The following ANK3 variants were observed in gnomAD, a reference collection of about 807,000 sequenced individuals.
The protein encoded by ANK3 is ankyrin 3.
Under a neutral mutation model 370.9 loss-of-function variants are expected in ANK3, and 57 were observed. That is an observed-to-expected ratio of 0.15 (90% CI 0.12 to 0.19). The LOEUF (loss-of-function observed/expected upper bound fraction) is 0.19, where lower values mean the gene tolerates loss of function less well. ANK3 is among the 10% of genes least tolerant of loss of function. The probability of loss-of-function intolerance (pLI) is 1.00; values close to 1 mark genes in which losing one functional copy is unlikely to be tolerated. For synonymous variants in ANK3, 1,929 were observed against 1,946.3 expected (o/e 0.99, Z 0.23); for missense variants, 4,439 against 5,302.1 (o/e 0.84, Z 5.06).
intron 2 of ANK3, among the ~76,000 whole-genome samples, chr10:60,463,639 T>C (rs1272008961): frequency 6.6e-6 from 1 of 151,952 alleles, no homozygotes; most frequent in Non-Finnish European, 1.5e-5. Flanking sequence ...ATATAACTGT[T>C]CCATTTTATT....
At chr10:60,410,234 G>C (rs1273062930) in intron 2 of ANK3, among the ~76,000 whole-genome samples, 1 of 151,866 alleles carries the variant, frequency 6.6e-6, no homozygotes, top group Non-Finnish European at 1.5e-5. Context: ...TTTGAGACCA[G>C]CCTGGGCAAC....
intron 2 of ANK3, among the ~76,000 whole-genome samples, chr10:60,543,720 T>C (rs141939329): frequency 1.3e-5 from 2 of 152,088 alleles, no homozygotes; most frequent in African/African-American, 4.8e-5. Flanking sequence ...TAAAATTTAA[T>C]CTAAAATTTT....
intron 2 of ANK3, among the ~76,000 whole-genome samples, chr10:60,514,316 G>A (rs2076163463): frequency 6.6e-6 from 1 of 152,020 alleles, no homozygotes; most frequent in Non-Finnish European, 1.5e-5. Flanking sequence ...TCAGCAGATG[G>A]ATAAAATAAA....
chr10:60,473,910 G>T (rs1467852659), intron 2 of ANK3, among the ~76,000 whole-genome samples: 6 of 147,388 alleles, frequency 4.1e-5, no homozygotes, highest in African/African-American at 1.5e-4. Flanking sequence ...TGGGAGGATT[G>T]CTTGAAGCCA....
chr10:60,243,530 A>G (rs2097505179), intron 7 of ANK3, among the ~76,000 whole-genome samples: 1 of 152,174 alleles, frequency 6.6e-6, no homozygotes, highest in Admixed American at 6.5e-5. Flanking sequence ...CTCCTGAACT[A>G]TAAGAAATTT....
At position 60,072,236 on chromosome 10, in the gene ANK3, T is replaced by C. The variant is rs767323388; in HGVS notation, c.8645A>G (p.His2882Arg). Reference protein sequence around the residue: ...HVLVHDVRENHIGHPESKSVD... With the variant: ...HVLVHDVRENRIGHPESKSVD... ...ACTTTTACTCTCAGGGTGACCAATG[T>C]GATTCTCTCTTACATCATGAACAAG... Residue 2882 changes from histidine (H) to arginine (R), a missense_variant, in exon 37 of 44, where the codon CAC becomes CGC. Transcript: ENST00000280772. The C allele has an allele frequency of 1.2e-6, 2 of 1,614,122 alleles. No individual in the cohort carries two copies. The highest frequency in any genetic ancestry group is 1.3e-5 in the African/African-American group (1 of 75,058).
intron 2 of ANK3, among the ~76,000 whole-genome samples, chr10:60,517,846 T>TC (rs2133175689): frequency 6.6e-6 from 1 of 151,830 alleles, no homozygotes; most frequent in Non-Finnish European, 1.5e-5. Context: ...GGGGCCTCCC[T>TC]CCCCAGCAGA....
intron 2 of ANK3, among the ~76,000 whole-genome samples, chr10:60,467,792 C>A (rs920177123): frequency 6.6e-6 from 1 of 151,842 alleles, no homozygotes; most frequent in African/African-American, 2.4e-5. Flanking sequence ...ACAGTTTAAG[C>A]AAACAAACTC....
intron 1 of ANK3, among the ~76,000 whole-genome samples, chr10:60,333,471 ACATGAACT>A (rs2051935117): frequency 6.6e-6 from 1 of 152,170 alleles, no homozygotes; most frequent in Admixed American, 6.5e-5. Flanking sequence ...CCTGCAAAGG[ACATGAACT>A]CATTCTTTTT....
chr10:60,523,592 T>G lies in ANK3; in HGVS notation c.96+91594A>C, dbSNP rs547399161. ...GAACTCATCATTTTTTATGGCTGCA[T>G]AGTATTCCATGGTGTATATGTGCCA... is the stretch of plus-strand genomic sequence containing the variant. On this transcript the variant is annotated intron_variant, in intron 2 of 43. Coordinates refer to the ANK3 transcript ENST00000373827. Among the ~76,000 whole-genome samples the G allele has an allele frequency of 3.6e-3, 544 of 152,120 alleles. 3 individuals are homozygous for G. Among genetic ancestry groups the G allele is most frequent in the African/African-American group, 0.013 (522 of 41,510 alleles).
chr10:60,714,449 C>A (rs757895077), intron 1 of ANK3, among the ~76,000 whole-genome samples: 1 of 152,116 alleles, frequency 6.6e-6, no homozygotes, highest in Non-Finnish European at 1.5e-5. Flanking sequence ...GAAAGAAAAA[C>A]CACAAACCAC....
At chr10:60,517,469 A>C (rs894617109) in intron 2 of ANK3, among the ~76,000 whole-genome samples, 2 of 152,128 alleles carry the variant, frequency 1.3e-5, no homozygotes, top group Non-Finnish European at 2.9e-5. Flanking sequence ...ATCTGAAACG[A>C]GGTTACCCAG....
intron 18 of ANK3, among the ~76,000 whole-genome samples, chr10:60,174,699 G>A (rs559612490): frequency 7.0e-4 from 107 of 152,276 alleles, no homozygotes; most frequent in African/African-American, 2.5e-3. Flanking sequence ...TAGTTGTTGA[G>A]ATGGATGTGT....
intron 7 of ANK3, among the ~76,000 whole-genome samples, chr10:60,248,465 A>C (rs533506847): frequency 6.6e-6 from 1 of 152,248 alleles, no homozygotes; most frequent in Non-Finnish European, 1.5e-5. Flanking sequence ...ATTTGGGGGC[A>C]CTAAAGATTG....
chr10:60,576,158 A>T (rs2077680261), intron 2 of ANK3, among the ~76,000 whole-genome samples: 1 of 152,206 alleles, frequency 6.6e-6, no homozygotes, highest in Non-Finnish European at 1.5e-5. Flanking sequence ...TTGGATGCAA[A>T]GCTCTATCAG....
chr10:60,166,125 T>G (rs1163762475), intron 23 of ANK3, among the ~76,000 whole-genome samples: 1 of 152,150 alleles, frequency 6.6e-6, no homozygotes, highest in Non-Finnish European at 1.5e-5. Flanking sequence ...TTCAGGTTGT[T>G]TTCATTATCA....
At chr10:60,241,392 T>C (rs1351013842) in intron 7 of ANK3, among the ~76,000 whole-genome samples, 1 of 152,186 alleles carries the variant, frequency 6.6e-6, no homozygotes, top group Admixed American at 6.5e-5. Context: ...ACCAAATAAA[T>C]TTTTTCCTGT....
At chr10:60,181,950 C>A (rs2096203017) in intron 17 of ANK3, among the ~76,000 whole-genome samples, 1 of 152,094 alleles carries the variant, frequency 6.6e-6, no homozygotes, top group Non-Finnish European at 1.5e-5. Context: ...TAGCAATTAT[C>A]AAAGTTTTCC....
At chr10:60,402,784 G>C (rs931701268) in intron 2 of ANK3, among the ~76,000 whole-genome samples, 1 of 152,152 alleles carries the variant, frequency 6.6e-6, no homozygotes, top group Admixed American at 6.6e-5. Flanking sequence ...CCAAGCCCCA[G>C]CAGCAGCATC....
Sources: allele counts gnomAD v4.1 joint callset (sites outside exome capture counted in the v4.1 genomes callset), GRCh38; gene constraint gnomAD v4.1.1; transcripts MANE v1.5; gene names NCBI Gene and HGNC (gene_info 2026-07-23, HGNC 2026-07-21).